TBCK: variants seen among roughly 807,000 people sequenced by gnomAD.
The protein encoded by TBCK is TBC domain-containing protein kinase-like protein.
In TBCK, 99 loss-of-function variants were observed where a neutral mutation model predicts 113.4. That is an observed-to-expected ratio of 0.87 (90% confidence interval 0.74 to 1.03). The LOEUF (loss-of-function observed/expected upper bound fraction) is 1.03, where lower values mean the gene tolerates loss of function less well. Among genes scored for constraint, TBCK ranks in the 50% least tolerant of loss-of-function variants. The probability of loss-of-function intolerance (pLI) is 0.00; values close to 1 mark genes in which losing one functional copy is unlikely to be tolerated. For missense variants in TBCK, 1,045 were observed against 1,061.3 expected (o/e 0.98, Z 0.21); for synonymous variants, 369 against 370.8 (o/e 1.00, Z 0.05).
At chr4:106,248,148 T>C (rs1263924460) in intron 9 of TBCK, 97 bp downstream of exon 9, 1 of 704,234 alleles carries the variant, frequency 1.4e-6, no homozygotes, top group Non-Finnish European at 2.3e-6. Context: ...ACTCCATATG[T>C]ACATTATCTT....
Position 106,045,914 on chromosome 4 carries a change from T to G in TBCK, c.*656A>C, listed in dbSNP as rs1159918588. On this transcript the variant is annotated 3_prime_UTR_variant, in exon 26 of 26. Coordinates refer to ENST00000394708, the MANE Select transcript of TBCK (RefSeq NM_001163435.3). ...ACAGACTTTCATGTGATAAAGAAAC[T>G]AGAAAATTTGTTTAAGCCATTCGTC... 1 of 152,222 alleles carries G rather than the reference T, an allele frequency of 6.6e-6. No individual in the cohort carries two copies. Among genetic ancestry groups the G allele is most frequent in the Admixed American group, 6.5e-5 (1 of 15,268 alleles). The allele number at this position is 152,222 out of a possible 1,614,324, so 9.4% of individuals were successfully genotyped here. A position where few individuals can be genotyped will look rare whatever the true frequency, so the allele number is the denominator to read the frequency against.
chr4:106,230,299 T>C, intron 19 of TBCK, 64 bp downstream of exon 19: 1 of 1,009,558 alleles, frequency 9.9e-7, no homozygotes. Context: ...TAATCAAATA[T>C]TACATCAGCA....
chr4:106,260,356 A>C (rs1396479327), intron 5 of TBCK, 81 bp downstream of exon 5: 2 of 548,890 alleles, frequency 3.6e-6, no homozygotes, highest in African/African-American at 3.9e-5. Flanking sequence ...AGGAATATCA[A>C]ATATAATTAA....
rs186823125 is a variant in TBCK, at chr4:106,118,680, C to T, written c.2236-2302G>A. ...ACTTTTAGTCATTTTGTGATGAATGCGGCATTTCAAACTGAAGTTTCACCT... is the reference window on the plus strand; with the variant it reads ...ACTTTTAGTCATTTTGTGATGAATGTGGCATTTCAAACTGAAGTTTCACCT... On this transcript the variant is annotated intron_variant, in intron 23 of 25. Transcript: ENST00000394708. Among the ~76,000 whole-genome samples, 331 of 152,234 alleles carry T rather than the reference C, an allele frequency of 2.2e-3. 2 individuals carry two copies. Among genetic ancestry groups the T allele is most frequent in the South Asian group, 0.013 (62 of 4,818 alleles).
intron 3 of TBCK, among the ~76,000 whole-genome samples, chr4:106,262,883 G>A (rs1409563214): frequency 1.3e-5 from 2 of 151,758 alleles, no homozygotes; most frequent in Non-Finnish European, 2.9e-5. Flanking sequence ...TACTGTATTT[G>A]GGTAAATACT....
intron 22 of TBCK, among the ~76,000 whole-genome samples, chr4:106,179,736 G>A (rs945778725): frequency 6.6e-6 from 1 of 152,018 alleles, no homozygotes; most frequent in Non-Finnish European, 1.5e-5. Flanking sequence ...GGAACGTTCT[G>A]TAAATGTCTG....
chr4:106,097,955 A>C (rs1483842128), intron 24 of TBCK, among the ~76,000 whole-genome samples: 1 of 152,094 alleles, frequency 6.6e-6, no homozygotes, highest in African/African-American at 2.4e-5. Flanking sequence ...TCATGAGTAA[A>C]ATCTGGCAAG....
intron 22 of TBCK, among the ~76,000 whole-genome samples, chr4:106,172,842 T>A (rs991152717): frequency 6.6e-6 from 1 of 152,058 alleles, no homozygotes; most frequent in South Asian, 2.1e-4. Flanking sequence ...TAAAGACAGG[T>A]ATCGTAATTC....
intron 23 of TBCK, among the ~76,000 whole-genome samples, chr4:106,139,520 C>T (rs1439748811): frequency 7.1e-6 from 1 of 141,190 alleles, no homozygotes; most frequent in African/African-American, 2.5e-5. Flanking sequence ...TTTAACACAC[C>T]ACAAATCATC....
intron 3 of TBCK, among the ~76,000 whole-genome samples, chr4:106,284,816 G>A (rs1169105840): frequency 6.6e-6 from 1 of 152,056 alleles, no homozygotes; most frequent in Non-Finnish European, 1.5e-5. Flanking sequence ...CAGTGATAAA[G>A]GTATATCTGT....
chr4:106,120,659 C>G (rs1431149217), intron 23 of TBCK, among the ~76,000 whole-genome samples: 1 of 152,204 alleles, frequency 6.6e-6, no homozygotes, highest in East Asian at 1.9e-4. Context: ...TCCCTGACCC[C>G]TGACCCCCGA....
intron 2 of TBCK, among the ~76,000 whole-genome samples, chr4:106,306,236 ATTTTTTTTTTTTTTT>A (rs60417567): frequency 1.0e-5 from 1 of 97,326 alleles, no homozygotes; most frequent in Non-Finnish European, 2.0e-5. Context: ...TGCCTGGCTA[ATTTTTTTTTTTTTTT>A]TTTTTTTTTT....
chr4:106,222,320 T>C (rs1757795343), intron 19 of TBCK, among the ~76,000 whole-genome samples: 1 of 152,154 alleles, frequency 6.6e-6, no homozygotes, highest in East Asian at 1.9e-4. Flanking sequence ...GCTTGTTATA[T>C]ATATTAACAT....
chr4:106,191,236 A>C (rs1393182239), intron 22 of TBCK, among the ~76,000 whole-genome samples: 1 of 152,208 alleles, frequency 6.6e-6, no homozygotes, highest in African/African-American at 2.4e-5. Context: ...GGTTACATGC[A>C]AAGGGACTTG....
intron 19 of TBCK, among the ~76,000 whole-genome samples, chr4:106,222,246 T>C (rs992713793): frequency 1.1e-4 from 16 of 152,016 alleles, no homozygotes; most frequent in Admixed American, 1.0e-3. Flanking sequence ...AAAATGAAAA[T>C]AAATTGTCAT....
In TBCK at chr4:106,251,989, G is replaced by A; in HGVS notation, c.474C>T (p.Ala158=). The change falls in exon 6 of 26, where the codon GCC becomes GCT. Residue 158 remains alanine, a synonymous_variant. Coordinates refer to ENST00000394708, the MANE Select transcript of TBCK (RefSeq NM_001163435.3). Reference sequence around the variant, plus strand: ...AAATTCCCTGTGCAATTACCTCAGGGGCCAAGTACGAGGGATACCTGTAAT... The same window carrying A: ...AAATTCCCTGTGCAATTACCTCAGGAGCCAAGTACGAGGGATACCTGTAAT... ...DFPIGYPSYL[A]PEVIAQGIFK... The A allele has an allele frequency of 6.2e-7, 1 of 1,609,254 alleles. No homozygotes were observed. The highest frequency in any genetic ancestry group is 1.1e-5 in the South Asian group (1 of 90,260).
intron 23 of TBCK, among the ~76,000 whole-genome samples, chr4:106,133,828 C>T (rs1288869354): frequency 6.6e-6 from 1 of 152,070 alleles, no homozygotes; most frequent in Non-Finnish European, 1.5e-5. Context: ...GGCTGGCCAA[C>T]ATGAAACCCC....
In TBCK at chr4:106,140,582, AC is replaced by A. The variant is rs1376891827; in HGVS notation, c.2236-24205del. Among the ~76,000 whole-genome samples the A allele has an allele frequency of 2.8e-5, 4 of 141,584 alleles. 1 individual carries two copies. The highest frequency in any genetic ancestry group is 6.4e-5 in the Non-Finnish European group (4 of 62,290). The allele number at this position is 141,584 out of a possible 152,430, so 92.9% of individuals were successfully genotyped here. ...TTAAGAGTACTTATTATTGTGTATC[AC>A]TAGAAACAACAATCACCTTTCCAAA... On this transcript the variant is annotated intron_variant, in intron 23 of 25. Coordinates refer to ENST00000394708, the MANE Select transcript of TBCK (RefSeq NM_001163435.3).
intron 25 of TBCK, among the ~76,000 whole-genome samples, chr4:106,081,560 G>A (rs1738876269): frequency 6.6e-6 from 1 of 152,132 alleles, no homozygotes; most frequent in African/African-American, 2.4e-5. Context: ...AATAGCTAAT[G>A]GATGCTGGGC....
Sources: allele counts gnomAD v4.1 joint callset (sites outside exome capture counted in the v4.1 genomes callset), GRCh38; gene constraint gnomAD v4.1.1; transcripts MANE v1.5; gene names NCBI Gene and HGNC (gene_info 2026-07-23, HGNC 2026-07-21).